Variants in SLK observed in about 807,000 individuals in gnomAD.
SLK encodes STE20-like serine/threonine-protein kinase.
A neutral mutation model predicts 147.7 loss-of-function variants in SLK; 67 were observed. The ratio of observed to expected loss-of-function variants is 0.45; its 90% CI spans 0.37 to 0.56. The LOEUF (loss-of-function observed/expected upper bound fraction) is 0.56. SLK is among the 20% of genes least tolerant of loss of function. The pLI is 0.00. For missense variants in SLK, 1,136 were observed against 1,438.8 expected, an observed-to-expected ratio of 0.79 and a Z score of 3.41; for synonymous variants, 441 against 475.0, an observed-to-expected ratio of 0.93 and a Z score of 0.93.
At chr10:103,996,324 A>G (rs185520638) in intron 4 of SLK, among the ~76,000 whole-genome samples, 51 of 150,162 alleles carry the variant, frequency 3.4e-4, no homozygotes, top group African/African-American at 1.1e-3. Context: ...CTTTTTGCTT[A>G]GATGCTAAAA....
intron 13 of SLK, among the ~76,000 whole-genome samples, chr10:104,013,136 C>T (rs192644853): frequency 4.0e-4 from 61 of 152,296 alleles, no homozygotes; most frequent in African/African-American, 1.5e-3. Context: ...AGCGAAGGTA[C>T]AAAAGCTTTA....
chr10:104,002,312 C>T lies in SLK; in HGVS notation c.1134C>T (p.Ser378=). 2 of 1,613,710 alleles carry T rather than the reference C, an allele frequency of 1.2e-6. No homozygotes were observed. The highest frequency in any genetic ancestry group is 1.7e-6 in the Non-Finnish European group (2 of 1,179,734). Residue 378 remains serine (S), a synonymous_variant, in exon 9 of 19, where the codon AGC becomes AGT. Coordinates refer to ENST00000369755, the MANE Select transcript of SLK (RefSeq NM_014720.4). ...GTAACTCTGAAGATAAACTCAACAGCAAAATTCTTAATGAAAAACCCACCA... is the reference window on the plus strand; with the variant it reads ...GTAACTCTGAAGATAAACTCAACAGTAAAATTCTTAATGAAAAACCCACCA... ...ERSNSEDKLN[S]KILNEKPTTD... is the part of the protein sequence containing the mutation.
intron 12 of SLK, among the ~76,000 whole-genome samples, chr10:104,010,293 C>G (rs1442593961): frequency 6.6e-6 from 1 of 152,118 alleles, no homozygotes; most frequent in African/African-American, 2.4e-5. Flanking sequence ...ATTTATTTCT[C>G]CTTTGTGTAT....
chr10:104,000,607 GT>G (rs1844232965), intron 7 of SLK, among the ~76,000 whole-genome samples: 3 of 152,166 alleles, frequency 2.0e-5, no homozygotes, highest in Non-Finnish European at 2.9e-5. Context: ...ACTGTTAAAT[GT>G]TGAGTATACA....
chr10:104,001,058 C>CAA (rs57046306), intron 7 of SLK, among the ~76,000 whole-genome samples: 1,061 of 70,980 alleles, frequency 0.015, 118 homozygotes, highest in Non-Finnish European at 0.018. Context: ...GACTCCGTCT[C>CAA]AAAAAAAAAA....
chr10:103,996,751 A>G (rs1036911101), intron 4 of SLK, among the ~76,000 whole-genome samples: 3 of 152,118 alleles, frequency 2.0e-5, no homozygotes, highest in African/African-American at 7.2e-5. Context: ...CGCCCCCGAC[A>G]GGAAAGTTTT....
rs767772013 is a variant in SLK, at chr10:104,005,512, C to T, written c.2350-49C>T. On this transcript the variant is annotated intron_variant, in intron 9 of 18. Coordinates refer to ENST00000369755, the MANE Select transcript of SLK (RefSeq NM_014720.4). ...TTAAGGAAGAAGAAAATGTTTTCTACCTCCAGTATTCCTTGTACAAAGCCT... is the reference window on the plus strand; with the variant it reads ...TTAAGGAAGAAGAAAATGTTTTCTATCTCCAGTATTCCTTGTACAAAGCCT... 2.6e-6 allele frequency: 4 copies of T among 1,520,760 alleles called. No homozygotes were observed. In the South Asian group the frequency reaches 3.7e-5, roughly 14 times the overall value. The allele number at this position is 1,520,760 out of a possible 1,614,324, so 94.2% of individuals were successfully genotyped here. A position where few individuals can be genotyped will look rare whatever the true frequency, so the allele number is the denominator to read the frequency against.
In SLK at chr10:103,974,773, C is replaced by T. The variant is rs537794795; in HGVS notation, c.150+6878C>T. 5.2e-3 allele frequency: 653 copies of T among 125,272 alleles called. 6 individuals are homozygous for T. The highest frequency in any genetic ancestry group is 7.5e-3 in the Non-Finnish European group (453 of 60,730). 7.8% of individuals were successfully genotyped at this position (125,272 alleles called of 1,614,324 possible). Reference sequence around the variant, plus strand: ...TCACGCCATTCTCCTGCCTCAGCCTCCCGAGTAGGTGGGACTACAGGTGCC... The same window carrying T: ...TCACGCCATTCTCCTGCCTCAGCCTTCCGAGTAGGTGGGACTACAGGTGCC... On this transcript the variant is annotated intron_variant, in intron 1 of 18. Coordinates refer to ENST00000369755, the MANE Select transcript of SLK (RefSeq NM_014720.4).
In SLK at chr10:104,025,817, C is replaced by T; in HGVS notation, c.*97C>T. 1.0e-6 allele frequency: 1 copy of T among 984,930 alleles called. No homozygotes were observed. The highest frequency in any genetic ancestry group is 1.5e-6 in the Non-Finnish European group (1 of 666,882). The allele number at this position is 984,930 out of a possible 1,614,324, so 61.0% of individuals were successfully genotyped here. A position where few individuals can be genotyped will look rare whatever the true frequency, so the allele number is the denominator to read the frequency against. On this transcript the variant is annotated 3_prime_UTR_variant, in exon 19 of 19. Transcript: ENST00000369755. ...CTCTCAGATAGCTCATGAAGACAAT[C>T]ACCTGCCTCACCTTCTAGGTGTTTT... is the stretch of plus-strand genomic sequence containing the variant.
chr10:103,968,785 C>G (rs964500071), intron 1 of SLK, among the ~76,000 whole-genome samples: 1 of 152,070 alleles, frequency 6.6e-6, no homozygotes. Context: ...TAATTTGGCC[C>G]CCACAAAAAT....
At chr10:103,987,395 T>C (rs1406692742) in intron 1 of SLK, among the ~76,000 whole-genome samples, 4 of 152,226 alleles carry the variant, frequency 2.6e-5, no homozygotes, top group Non-Finnish European at 5.9e-5. Context: ...CATTTTTCAT[T>C]GTAGAACTGT....
At chr10:103,999,000 T>C in intron 5 of SLK, 29 bp downstream of exon 5, 2 of 1,558,490 alleles carry the variant, frequency 1.3e-6, no homozygotes, top group Non-Finnish European at 1.8e-6. Flanking sequence ...GAATTTATAG[T>C]ATTAGTCATG....
Position 104,005,599 on chromosome 10 carries a change from C to G in SLK, c.2388C>G (p.Arg796=), listed in dbSNP as rs770799892. ...RRQKKTLKKT[R]KFIVDGVEVS... ...AAAAGAAAACATTGAAGAAAACACGCAAATTTATTGTTGATGGTGTAGAAG... is the reference window on the plus strand; with the variant it reads ...AAAAGAAAACATTGAAGAAAACACGGAAATTTATTGTTGATGGTGTAGAAG... The change falls in exon 10 of 19, where the codon CGC becomes CGG. Residue 796 remains arginine (R), a synonymous_variant. Transcript: ENST00000369755. 3 of 1,606,546 alleles carry G rather than the reference C, an allele frequency of 1.9e-6. No individual in the cohort carries two copies. The East Asian group carries it at 6.7e-5, about 36-fold the overall frequency.
chr10:103,986,668 GTTTTTTTT>G (rs759976399), intron 1 of SLK, among the ~76,000 whole-genome samples: 1 of 97,244 alleles, frequency 1.0e-5, no homozygotes, highest in East Asian at 2.8e-4. Context: ...TATGTGAAGA[GTTTTTTTT>G]TTTTTTTTTT....
chr10:103,980,715 T>G (rs2487988), intron 1 of SLK, among the ~76,000 whole-genome samples: 151,848 of 152,250 alleles, frequency 1, 75,728 homozygotes, highest in Middle Eastern at 1. Flanking sequence ...TACACATTTT[T>G]CTTATCCACT....
chr10:104,014,330 T>G (rs1223854288), intron 13 of SLK, among the ~76,000 whole-genome samples: 1 of 152,238 alleles, frequency 6.6e-6, no homozygotes, highest in Non-Finnish European at 1.5e-5. Context: ...TATTGTAGTT[T>G]TAAGTTAAGT....
At chr10:104,022,609 C>G (rs578130016) in intron 18 of SLK, among the ~76,000 whole-genome samples, 1 of 152,212 alleles carries the variant, frequency 6.6e-6, no homozygotes, top group Non-Finnish European at 1.5e-5. Flanking sequence ...CATAGTGTGG[C>G]TTTTTGTTTG....
intron 1 of SLK, chr10:103,974,724 C>T (rs1673973004): frequency 1.2e-5 from 1 of 80,450 alleles, no homozygotes; most frequent in Non-Finnish European, 2.4e-5. Context: ...GATCTCGGCT[C>T]ACTGCAAGCT....
chr10:104,001,146 G>A (rs1844242692), intron 7 of SLK, among the ~76,000 whole-genome samples: 1 of 147,396 alleles, frequency 6.8e-6, no homozygotes, highest in Non-Finnish European at 1.5e-5. Flanking sequence ...TTATTACGAA[G>A]TTTTCAAACA....
Sources: allele counts gnomAD v4.1 joint callset (sites outside exome capture counted in the v4.1 genomes callset), GRCh38; gene constraint gnomAD v4.1.1; transcripts MANE v1.5; gene names NCBI Gene and HGNC (gene_info 2026-07-23, HGNC 2026-07-21).